Variants in SMYD4 observed in about 807,000 individuals in gnomAD.
SMYD4 encodes SET and MYND domain containing 4, also known as protein-lysine N-methyltransferase SMYD4.
SMYD4 carries 68 observed loss-of-function variants against 72.8 expected under a neutral mutation model. The ratio of observed to expected loss-of-function variants is 0.93; its 90% CI spans 0.77 to 1.14. The LOEUF (loss-of-function observed/expected upper bound fraction) is 1.14. Ranked by LOEUF, SMYD4 falls within the 50% of genes most tolerant of loss-of-function variation. The pLI is 0.00. For missense variants in SMYD4, 984 were observed against 1,003.7 expected, an observed-to-expected ratio of 0.98 and a Z score of 0.27; for synonymous variants, 407 against 388.6, an observed-to-expected ratio of 1.05 and a Z score of -0.56.
chr17:1,806,437 T>C (rs975594222), intron 3 of SMYD4, among the ~76,000 whole-genome samples: 2 of 152,232 alleles, frequency 1.3e-5, no homozygotes, highest in African/African-American at 2.4e-5. Context: ...CTAATTTCTT[T>C]ACTTTGTCAA....
In SMYD4 at chr17:1,804,636, C is replaced by T. The variant is rs1470404632; in HGVS notation, c.359G>A (p.Gly120Asp). The T allele has an allele frequency of 1.2e-6, 2 of 1,613,570 alleles. No homozygotes were observed. The highest frequency in any genetic ancestry group is 1.7e-5 in the Admixed American group (1 of 59,984). Residue 120 changes from glycine to aspartate, a missense_variant, in exon 4 of 11, where the codon GGT (glycine) becomes GAT (aspartate). By Grantham distance (94) the Gly-to-Asp change is moderately conservative (BLOSUM62 -1). Transcript: ENST00000305513. ...TATCCTGATACTCACCTCATACTGA[C>T]CCAGGTGGAAGAGGGCTGCCGAGCG... is the stretch of plus-strand genomic sequence containing the variant. ...ANRSAALFHL[G>D]QYETCLKDIN...
chr17:1,799,087 G>C (rs928819102), intron 5 of SMYD4, among the ~76,000 whole-genome samples: 1 of 151,348 alleles, frequency 6.6e-6, no homozygotes, highest in Non-Finnish European at 1.5e-5. Context: ...GTGAAACCCC[G>C]TCTCTGCTAA....
At position 1,800,440 on chromosome 17, in the gene SMYD4, G is replaced by C. The variant is rs770437222; in HGVS notation, c.954C>G (p.Cys318Trp). 3.7e-6 allele frequency: 6 copies of C among 1,614,196 alleles called. No homozygotes were observed. In the Admixed American group the frequency reaches 1.0e-4, roughly 27 times the overall value. Residue 318 changes from cysteine to tryptophan, a missense_variant, in exon 5 of 11, where the codon TGC (cysteine) becomes TGG (tryptophan). Coordinates refer to ENST00000305513, the MANE Select transcript of SMYD4 (RefSeq NM_052928.3). ...AGGCCTGCTGCAAACACTCCTGGCT[G>C]CAATACTTGGCATAACTGCATCCGT... ...PCDGCSYAKY[C>W]SQECLQQAWE...
rs1291323295 is a variant in SMYD4 at position 1,799,910 on chromosome 17, T to G, written c.1484A>C (p.His495Pro). The G allele has an allele frequency of 6.2e-7, 1 of 1,613,584 alleles. No homozygotes were observed. Among genetic ancestry groups the G allele is most frequent in the Admixed American group, 1.7e-5 (1 of 59,972 alleles). ...VTIWGVAMLRHMLQLQCNAQA... is the reference protein window; with the variant it reads ...VTIWGVAMLRPMLQLQCNAQA... ...AGCGTTACACTGAAGCTGTAACATGTGTCTCAGCATCGCCACTCCCCAAAT... is the reference window on the plus strand; with the variant it reads ...AGCGTTACACTGAAGCTGTAACATGGGTCTCAGCATCGCCACTCCCCAAAT... The change falls in exon 5 of 11, where the codon CAC (histidine) becomes CCC (proline). Residue 495 changes from histidine to proline, a missense_variant. Coordinates refer to ENST00000305513, the MANE Select transcript of SMYD4 (RefSeq NM_052928.3).
Position 1,784,451 on chromosome 17 carries a change from A to G in SMYD4, c.1895T>C (p.Val632Ala). 1 of 1,614,172 alleles carries G rather than the reference A, an allele frequency of 6.2e-7. No homozygotes were observed. The highest frequency in any genetic ancestry group is 8.5e-7 in the Non-Finnish European group (1 of 1,180,032). ...SCGAPMQGDD[V>A]LRCGSRSCAE... ...ACAAGATCTGCTGCCACAGCGCAGC[A>G]CGTCATCTCCCTGTGGAAGTCAGTT... The change falls in exon 8 of 11, where the codon GTG becomes GCG. Residue 632 changes from valine to alanine, a missense_variant. Physicochemically the swap from Val to Ala is moderately conservative, Grantham distance 64. Coordinates refer to ENST00000305513, the MANE Select transcript of SMYD4 (RefSeq NM_052928.3).
At chr17:1,794,919 C>T (rs1048451185) in intron 5 of SMYD4, among the ~76,000 whole-genome samples, 6 of 151,894 alleles carry the variant, frequency 4.0e-5, no homozygotes, top group Admixed American at 1.3e-4. Context: ...TTATCGAAGC[C>T]GTCTTTCATA....
intron 3 of SMYD4, among the ~76,000 whole-genome samples, chr17:1,807,072 T>G (rs941182245): frequency 5.3e-5 from 8 of 151,946 alleles, no homozygotes; most frequent in Non-Finnish European, 1.2e-4. Context: ...GTATTTTTAG[T>G]AGAGACAGGG....
chr17:1,794,317 C>T (rs1909280061), intron 5 of SMYD4, among the ~76,000 whole-genome samples: 1 of 141,698 alleles, frequency 7.1e-6, no homozygotes, highest in Non-Finnish European at 1.5e-5. Context: ...GACGGGGTTT[C>T]ACCGTGTTAG....
intron 3 of SMYD4, 45 bp downstream of exon 3, chr17:1,811,926 C>T (rs762807523): frequency 6.3e-7 from 1 of 1,599,520 alleles, no homozygotes; most frequent in Admixed American, 1.7e-5. Flanking sequence ...GATTCTGTCT[C>T]AGAGAAAAAT....
In SMYD4 at chr17:1,827,894, C is replaced by T; in HGVS notation, c.101G>A (p.Arg34Lys). The change falls in exon 2 of 11, where the codon AGG (arginine) becomes AAG (lysine). Residue 34 changes from arginine to lysine, a missense_variant. Transcript: ENST00000305513. ...QVTISTAETLRDIFLHSSSLL... is the reference protein window; with the variant it reads ...QVTISTAETLKDIFLHSSSLL... ...TGAAGAGGAGTGAAGAAAGATATCCCTCAAGGTCTCTGCTGTAGAAATTGT... is the reference window on the plus strand; with the variant it reads ...TGAAGAGGAGTGAAGAAAGATATCCTTCAAGGTCTCTGCTGTAGAAATTGT... 1 of 1,612,092 alleles carries T rather than the reference C, an allele frequency of 6.2e-7. No homozygotes were observed. Among genetic ancestry groups the T allele is most frequent in the Non-Finnish European group, 8.5e-7 (1 of 1,178,282 alleles).
chr17:1,781,463 G>C, intron 10 of SMYD4, 24 bp from the exon 11 acceptor site: 1 of 1,608,104 alleles, frequency 6.2e-7, no homozygotes, highest in Non-Finnish European at 8.5e-7. Context: ...GGTAAGAGGA[G>C]TTAGTTCACT....
At position 1,779,950 on chromosome 17, in the gene SMYD4, A is replaced by G. The variant is rs1908283931; in HGVS notation, c.*1336T>C. 1 of 152,678 alleles carries G rather than the reference A, an allele frequency of 6.5e-6. No individual in the cohort carries two copies. The highest frequency in any genetic ancestry group is 1.5e-5 in the Non-Finnish European group (1 of 68,060). The allele number at this position is 152,678 out of a possible 1,614,324, so 9.5% of individuals were successfully genotyped here. On this transcript the variant is annotated 3_prime_UTR_variant, in exon 11 of 11. Transcript: ENST00000305513. ...AGACTATCATCACTGAGCGAGGTGG[A>G]ATCCAGCCAAAACCCCAGGCTAACA...
intron 2 of SMYD4, among the ~76,000 whole-genome samples, chr17:1,813,417 C>A (rs1295400145): frequency 1.3e-5 from 2 of 151,946 alleles, no homozygotes; most frequent in African/African-American, 4.8e-5. Flanking sequence ...TTCACCAATT[C>A]TTTGTACTTT....
At position 1,800,136 on chromosome 17, in the gene SMYD4, T is replaced by G. The variant is rs758290736; in HGVS notation, c.1258A>C (p.Asn420His). 6.2e-7 allele frequency: 1 copy of G among 1,610,818 alleles called. No homozygotes were observed. The highest frequency in any genetic ancestry group is 8.5e-7 in the Non-Finnish European group (1 of 1,178,298). ...PGCDINGKYE[N>H]NYNAVFNLLP... ...AGGTTGAAGACAGCATTATAATTAT[T>G]TTCATACTTCCCATTAATATCGCAT... Residue 420 changes from asparagine (N) to histidine (H), a missense_variant, in exon 5 of 11, where the codon AAT becomes CAT. Physicochemically the swap from Asn to His is moderately conservative, Grantham distance 68. Transcript: ENST00000305513.
intron 5 of SMYD4, among the ~76,000 whole-genome samples, chr17:1,794,079 G>A (rs1266701385): frequency 2.2e-3 from 51 of 23,048 alleles, no homozygotes; most frequent in Non-Finnish European, 3.5e-3. Flanking sequence ...GTATATATAT[G>A]TGTATATATA....
chr17:1,795,388 C>T (rs922607864), intron 5 of SMYD4, among the ~76,000 whole-genome samples: 5 of 151,294 alleles, frequency 3.3e-5, no homozygotes, highest in African/African-American at 1.2e-4. Flanking sequence ...GGCTGTAGTA[C>T]AGTGGCACGA....
At position 1,781,309 on chromosome 17, in the gene SMYD4, T is replaced by C. The variant is rs781047969; in HGVS notation, c.2392A>G (p.Thr798Ala). The C allele has an allele frequency of 1.9e-6, 3 of 1,613,130 alleles. No individual in the cohort carries two copies. In the African/African-American group the frequency reaches 4.0e-5, roughly 22 times the overall value. Reference protein sequence around the residue: ...MKSCLLDLPPTPVGPAL With the variant: ...MKSCLLDLPPAPVGPAL The stretch of plus-strand genomic sequence containing the variant: ...CCCTACAATGCAGGCCCTACAGGGG[T>C]GGGTGGTAAGTCCAACAAACAGGAT... Residue 798 changes from threonine (T) to alanine (A), a missense_variant, in exon 11 of 11, where the codon ACC (threonine) becomes GCC (alanine). Coordinates refer to ENST00000305513, the MANE Select transcript of SMYD4 (RefSeq NM_052928.3).
intron 9 of SMYD4, 68 bp downstream of exon 9, chr17:1,783,292 G>C (rs1908468956): frequency 6.2e-7 from 1 of 1,610,450 alleles, no homozygotes; most frequent in Non-Finnish European, 8.5e-7. Flanking sequence ...GGCAGACAAG[G>C]CCGGGGCCAC....
At chr17:1,808,155 CA>C (rs1172815294) in intron 3 of SMYD4, among the ~76,000 whole-genome samples, 1 of 152,194 alleles carries the variant, frequency 6.6e-6, no homozygotes, top group African/African-American at 2.4e-5. Context: ...CCTAAGCAAG[CA>C]ATCAGATATA....
Sources: gnomAD v4.1 joint callset for allele counts (sites outside exome capture counted in the v4.1 genomes callset) on GRCh38, gnomAD v4.1.1 for gene constraint, MANE v1.5 for transcripts, NCBI Gene and HGNC (gene_info 2026-07-23, HGNC 2026-07-21) for gene names.